ANOS1: variants seen among roughly 807,000 people sequenced by gnomAD.
ANOS1 encodes the protein anosmin 1.
A neutral mutation model predicts 59.0 loss-of-function variants in ANOS1; 6 were observed. The observed-to-expected ratio is 0.10, with a 90% CI of 0.06 to 0.20. The LOEUF is 0.20. Among genes scored for constraint, ANOS1 ranks in the 10% least tolerant of loss-of-function variants. ANOS1 has a pLI of 1.00. For missense variants in ANOS1, 433 were observed against 542.3 expected (o/e 0.80, Z 2.00); for synonymous variants, 217 against 223.4 (o/e 0.97, Z 0.25).
At chrX:8,664,213 T>C (rs769370694) in intron 2 of ANOS1, among the ~76,000 whole-genome samples, 18 of 112,086 alleles carry the variant, frequency 1.6e-4, no homozygotes, top group African/African-American at 5.2e-4. Flanking sequence ...TTTTCTGAGA[T>C]GGAGTCTCAC....
At chrX:8,584,951 T>C in intron 6 of ANOS1, among the ~76,000 whole-genome samples, 1 of 111,974 alleles carries the variant, frequency 8.9e-6, no homozygotes, top group Non-Finnish European at 1.9e-5. Flanking sequence ...TGAAAATCAA[T>C]TGAATGGTGT....
chrX:8,732,073 G>A lies in ANOS1; in HGVS notation c.-37C>T. 1 of 888,945 alleles carries A rather than the reference G, an allele frequency of 1.1e-6. No individual in the cohort carries two copies. The highest frequency in any genetic ancestry group is 1.4e-6 in the Non-Finnish European group (1 of 716,732). The allele number at this position is 888,945 out of a possible 1,213,427, so 73.3% of individuals were successfully genotyped here. Reference sequence around the variant, plus strand: ...GAGGGCGAGGGCGAGGGCGCCGGGCGCGGGCCGAGGCTCCCTGCTCCGCGC... The same window carrying A: ...GAGGGCGAGGGCGAGGGCGCCGGGCACGGGCCGAGGCTCCCTGCTCCGCGC... On this transcript the variant is annotated 5_prime_UTR_variant, in exon 1 of 14. Coordinates refer to ENST00000262648, the MANE Select transcript of ANOS1 (RefSeq NM_000216.4).
chrX:8,536,670 T>C (rs1199479627), intron 11 of ANOS1, 101 bp downstream of exon 11: 2 of 634,405 alleles, frequency 3.2e-6, no homozygotes, highest in East Asian at 7.1e-5. Context: ...AGAGAGGCAC[T>C]TTTGGTTTTC....
intron 2 of ANOS1, among the ~76,000 whole-genome samples, chrX:8,672,272 T>C (rs1932269909): frequency 8.9e-6 from 1 of 111,735 alleles, no homozygotes; most frequent in South Asian, 3.8e-4. Flanking sequence ...CCACTCTGCA[T>C]GCAATGGGAG....
intron 2 of ANOS1, 84 bp from the exon 3 acceptor site, chrX:8,623,754 C>CT: frequency 1.4e-6 from 1 of 729,764 alleles, no homozygotes; most frequent in Non-Finnish European, 2.1e-6. Context: ...GTGATTGTTG[C>CT]TTTTTCAATG....
intron 1 of ANOS1, among the ~76,000 whole-genome samples, chrX:8,700,564 C>T (rs756575041): frequency 8.9e-6 from 1 of 112,091 alleles, no homozygotes; most frequent in South Asian, 3.7e-4. Context: ...AAAGCCTTCT[C>T]TTACTCTTTC....
rs758251425 is a variant in ANOS1 at position 8,535,664 on chromosome X, G to A, written c.1769C>T (p.Ala590Val). The part of the protein sequence containing the change: ...QPMTGFQVTW[A>V]EVTTESRQNS... Reference sequence around the variant, plus strand: ...CTGTCTGCTTTCCGTAGTGACCTCAGCCCAAGTCACTTGAAACCCAGTCAT... The same window carrying A: ...CTGTCTGCTTTCCGTAGTGACCTCAACCCAAGTCACTTGAAACCCAGTCAT... The change falls in exon 12 of 14, where the codon GCT becomes GTT. Residue 590 changes from alanine to valine, a missense_variant. Physicochemically the swap from Ala to Val is moderately conservative, Grantham distance 64 (BLOSUM62 0). Coordinates refer to ENST00000262648, the MANE Select transcript of ANOS1 (RefSeq NM_000216.4). The A allele has an allele frequency of 5.8e-6, 7 of 1,209,264 alleles. No individual in the cohort carries two copies. The highest frequency in any genetic ancestry group is 7.8e-6 in the Non-Finnish European group (7 of 894,125).
intron 4 of ANOS1, among the ~76,000 whole-genome samples, chrX:8,596,619 G>A (rs765948082): frequency 4.5e-5 from 5 of 111,652 alleles, no homozygotes; most frequent in African/African-American, 1.3e-4. Flanking sequence ...GGGTCATATC[G>A]GCAGAAAAAG....
At chrX:8,697,501 C>T (rs1471058726) in intron 2 of ANOS1, among the ~76,000 whole-genome samples, 1 of 111,307 alleles carries the variant, frequency 9.0e-6, no homozygotes, top group Admixed American at 9.6e-5. Flanking sequence ...GGATTCATCC[C>T]AGACAGAGAG....
rs1266052400 is a variant in ANOS1, at chrX:8,610,030, A to AC, written c.319-12775_319-12774insG. On this transcript the variant is annotated intron_variant, in intron 3 of 13. Coordinates refer to ENST00000262648, the MANE Select transcript of ANOS1 (RefSeq NM_000216.4). ...TCAAAAAAAAAAAAAAAAAAAAAAA[A>AC]AAAAACAACAACCTTTAAAGAGCAC... 7.2e-5 allele frequency among the ~76,000 whole-genome samples: 6 copies of AC among 83,007 alleles called. 1 individual carries two copies. The highest frequency in any genetic ancestry group is 1.5e-4 in the Admixed American group (1 of 6,605). 72.1% of individuals were successfully genotyped at this position (83,007 alleles called of 115,157 possible). A position where few individuals can be genotyped will look rare whatever the true frequency, so the allele number is the denominator to read the frequency against.
At chrX:8,700,350 C>A (rs1427928368) in intron 1 of ANOS1, among the ~76,000 whole-genome samples, 1 of 110,446 alleles carries the variant, frequency 9.1e-6, no homozygotes, top group Non-Finnish European at 1.9e-5. Context: ...CATGGCAGAG[C>A]AGGAGAGAGA....
At position 8,569,365 on chromosome X, in the gene ANOS1, G is replaced by A. The variant is rs1477887703; in HGVS notation, c.1063-989C>T. Among the ~76,000 whole-genome samples, 33 of 112,410 alleles carry A rather than the reference G, an allele frequency of 2.9e-4. 1 individual carries two copies. Among genetic ancestry groups the A allele is most frequent in the African/African-American group, 9.7e-4 (30 of 30,889 alleles). ...AATTTCATAAAAATAAAGTGGGGCTGGGCGTGGTGGCTCACGCCTGTAATC... is the reference window on the plus strand; with the variant it reads ...AATTTCATAAAAATAAAGTGGGGCTAGGCGTGGTGGCTCACGCCTGTAATC... On this transcript the variant is annotated intron_variant, in intron 7 of 13. Transcript: ENST00000262648.
intron 2 of ANOS1, among the ~76,000 whole-genome samples, chrX:8,665,889 C>A (rs1279035593): frequency 9.0e-6 from 1 of 111,725 alleles, no homozygotes; most frequent in Non-Finnish European, 1.9e-5. Flanking sequence ...GTCCTCCATG[C>A]CCCATTTTTT....
chrX:8,601,193 C>CAA (rs34363483), intron 3 of ANOS1, among the ~76,000 whole-genome samples: 3 of 62,101 alleles, frequency 4.8e-5, no homozygotes, highest in African/African-American at 6.3e-5. Context: ...GACTTTGTCT[C>CAA]AAAAAAAAAA....
At chrX:8,579,410 A>G (rs1380904746) in intron 6 of ANOS1, among the ~76,000 whole-genome samples, 1 of 112,392 alleles carries the variant, frequency 8.9e-6, no homozygotes, top group East Asian at 2.8e-4. Flanking sequence ...CTGATTATTA[A>G]CTTTGTACCA....
At chrX:8,685,302 T>A (rs944544821) in intron 2 of ANOS1, among the ~76,000 whole-genome samples, 3 of 109,791 alleles carry the variant, frequency 2.7e-5, no homozygotes, top group African/African-American at 1.0e-4. Context: ...CATTCCATTA[T>A]CGTTAAATAA....
At chrX:8,611,202 T>A (rs1459391184) in intron 3 of ANOS1, among the ~76,000 whole-genome samples, 1 of 109,901 alleles carries the variant, frequency 9.1e-6, no homozygotes, top group Non-Finnish European at 1.9e-5. Context: ...TTTAAAATGT[T>A]AGACACCATA....
At chrX:8,661,978 C>T (rs5934472) in intron 2 of ANOS1, among the ~76,000 whole-genome samples, 22,610 of 110,958 alleles carry the variant, frequency 0.2, 1,798 homozygotes, top group East Asian at 0.42. Flanking sequence ...ATTAAGGACA[C>T]GCTGAGCACA....
chrX:8,708,513 AG>A, intron 1 of ANOS1, among the ~76,000 whole-genome samples: 1 of 112,341 alleles, frequency 8.9e-6, no homozygotes, highest in Non-Finnish European at 1.9e-5. Context: ...ATATGAAAAA[AG>A]CTCATCATCA....
Sources: gnomAD v4.1 joint callset for allele counts (sites outside exome capture counted in the v4.1 genomes callset) on GRCh38, gnomAD v4.1.1 for gene constraint, MANE v1.5 for transcripts, NCBI Gene and HGNC (gene_info 2026-07-23, HGNC 2026-07-21) for gene names.